The following CTNNA3 variants were observed in gnomAD, a reference collection of about 807,000 sequenced individuals.
CTNNA3 encodes catenin alpha-3.
Under a neutral mutation model 95.7 loss-of-function variants are expected in CTNNA3, and 76 were observed. The observed-to-expected ratio is 0.79, with a 90% CI of 0.66 to 0.96. The LOEUF is 0.96. CTNNA3 is among the 40% of genes least tolerant of loss of function. The probability of loss-of-function intolerance (pLI) is 0.00; values close to 1 mark genes in which losing one functional copy is unlikely to be tolerated. For synonymous variants in CTNNA3, 431 were observed against 374.4 expected (o/e 1.15, Z -1.74); for missense variants, 1,191 against 1,089.8 (o/e 1.09, Z -1.31).
intron 13 of CTNNA3, among the ~76,000 whole-genome samples, chr10:66,229,916 T>G (rs2089505014): frequency 6.6e-6 from 1 of 152,130 alleles, no homozygotes; most frequent in African/African-American, 2.4e-5. Context: ...TTTTTCATTC[T>G]GTTTTTCTTT....
At chr10:66,134,983 G>A (rs1182246154) in intron 13 of CTNNA3, among the ~76,000 whole-genome samples, 1 of 152,096 alleles carries the variant, frequency 6.6e-6, no homozygotes, top group Non-Finnish European at 1.5e-5. Context: ...AAAATATTTT[G>A]TGTGATTGTA....
chr10:67,675,080 GT>G (rs1389289374), intron 1 of CTNNA3, among the ~76,000 whole-genome samples: 1 of 151,994 alleles, frequency 6.6e-6, no homozygotes, highest in Non-Finnish European at 1.5e-5. Context: ...AGAAAACTAA[GT>G]TTCTTTTGAC....
intron 13 of CTNNA3, among the ~76,000 whole-genome samples, chr10:66,244,218 C>T (rs1189969634): frequency 2.0e-5 from 3 of 152,130 alleles, no homozygotes; most frequent in Non-Finnish European, 4.4e-5. Flanking sequence ...GGTTTGAGTG[C>T]CAGCTTAGCC....
chr10:66,435,636 G>T (rs1051042210), intron 11 of CTNNA3, among the ~76,000 whole-genome samples: 1 of 152,098 alleles, frequency 6.6e-6, no homozygotes, highest in African/African-American at 2.4e-5. Flanking sequence ...CCAGCTCCTG[G>T]ATTCATTGAT....
At chr10:66,285,017 T>A (rs1035421056) in intron 12 of CTNNA3, among the ~76,000 whole-genome samples, 2 of 151,914 alleles carry the variant, frequency 1.3e-5, no homozygotes, top group Non-Finnish European at 2.9e-5. Flanking sequence ...CAAGAATATG[T>A]TTGGTACCTC....
intron 5 of CTNNA3, among the ~76,000 whole-genome samples, chr10:67,424,325 A>G (rs1261209608): frequency 6.6e-6 from 1 of 152,170 alleles, no homozygotes; most frequent in East Asian, 1.9e-4. Flanking sequence ...GTAACAAAAC[A>G]GCACTAAAAA....
chr10:66,252,753 G>C (rs955709284), intron 13 of CTNNA3, among the ~76,000 whole-genome samples: 2 of 152,222 alleles, frequency 1.3e-5, no homozygotes. Context: ...GAGGTGGAAG[G>C]ACTTGGTGAA....
chr10:67,113,952 G>A (rs1258817661), intron 7 of CTNNA3, among the ~76,000 whole-genome samples: 1 of 152,004 alleles, frequency 6.6e-6, no homozygotes, highest in African/African-American at 2.4e-5. Flanking sequence ...GCATGGTGGT[G>A]CACACCTGTA....
chr10:67,066,814 C>G (rs537112311), intron 7 of CTNNA3, among the ~76,000 whole-genome samples: 321 of 152,282 alleles, frequency 2.1e-3, no homozygotes, highest in African/African-American at 7.1e-3. Context: ...AGCTTACCAT[C>G]TAGCAGAAGG....
At position 66,833,680 on chromosome 10, in the gene CTNNA3, G is replaced by A. The variant is rs544114302; in HGVS notation, c.1048-58156C>T. 2.8e-4 allele frequency among the ~76,000 whole-genome samples: 42 copies of A among 152,176 alleles called. 1 individual carries two copies. Among genetic ancestry groups the A allele is most frequent in the African/African-American group, 1.0e-3 (42 of 41,512 alleles). ...TATGTTATTTCATCTGGATAGTGTAGGTAGCTGTCAAATACATGACTGAGA... is the reference window on the plus strand; with the variant it reads ...TATGTTATTTCATCTGGATAGTGTAAGTAGCTGTCAAATACATGACTGAGA... On this transcript the variant is annotated intron_variant, in intron 7 of 17. Coordinates refer to ENST00000433211, the MANE Select transcript of CTNNA3 (RefSeq NM_013266.4).
intron 5 of CTNNA3, among the ~76,000 whole-genome samples, chr10:67,493,348 T>G (rs976172585): frequency 1.0e-3 from 152 of 152,144 alleles, no homozygotes; most frequent in African/African-American, 3.4e-3. Context: ...GATCATGAGG[T>G]CAGGGAATCG....
At chr10:66,914,017 C>T (rs1029079029) in intron 7 of CTNNA3, among the ~76,000 whole-genome samples, 2 of 152,080 alleles carry the variant, frequency 1.3e-5, no homozygotes, top group African/African-American at 2.4e-5. Flanking sequence ...TGGCAGTCTT[C>T]TCTGGGTGTG....
intron 10 of CTNNA3, among the ~76,000 whole-genome samples, chr10:66,559,713 G>A (rs573010277): frequency 2.0e-5 from 3 of 151,862 alleles, no homozygotes; most frequent in Non-Finnish European, 4.4e-5. Flanking sequence ...CATTTACTGG[G>A]TTAGCATGTA....
At chr10:66,787,709 T>C (rs1840806006) in intron 7 of CTNNA3, among the ~76,000 whole-genome samples, 1 of 152,194 alleles carries the variant, frequency 6.6e-6, no homozygotes, top group South Asian at 2.1e-4. Flanking sequence ...ATATTCTTGT[T>C]TTCATTTCAA....
intron 7 of CTNNA3, chr10:67,097,597 C>T: frequency 1.2e-6 from 2 of 1,612,122 alleles, no homozygotes; most frequent in East Asian, 4.5e-5. Flanking sequence ...ATACCTTTAT[C>T]AATGAATGTG....
At chr10:67,510,409 T>C (rs1839577238) in intron 5 of CTNNA3, among the ~76,000 whole-genome samples, 3 of 152,160 alleles carry the variant, frequency 2.0e-5, no homozygotes, top group Admixed American at 6.5e-5. Context: ...TACATATGGC[T>C]AGCCAGTTTT....
rs144657284 is a variant in CTNNA3 at position 67,543,254 on chromosome 10, A to G, written c.293-3585T>C. The stretch of plus-strand genomic sequence containing the variant: ...TAGAGTATATAGTCTACAAATATCT[A>G]TAGAGATAACTTTTACACACCTATA... On this transcript the variant is annotated intron_variant, in intron 3 of 17. Coordinates refer to ENST00000433211, the MANE Select transcript of CTNNA3 (RefSeq NM_013266.4). 2.7e-4 allele frequency among the ~76,000 whole-genome samples: 41 copies of G among 152,130 alleles called. No individual in the cohort carries two copies. In the East Asian group the frequency reaches 7.7e-3, roughly 29 times the overall value.
intron 5 of CTNNA3, among the ~76,000 whole-genome samples, chr10:67,511,829 C>A (rs1839641916): frequency 6.6e-6 from 1 of 152,062 alleles, no homozygotes; most frequent in African/African-American, 2.4e-5. Context: ...TGATCCTGGA[C>A]TTTTTTTGGT....
intron 14 of CTNNA3, among the ~76,000 whole-genome samples, chr10:66,084,154 A>AAAAAAAAAAAAAAAAAAAAAAAAAAG (rs1564627073): frequency 1.4e-5 from 2 of 141,312 alleles, no homozygotes; most frequent in South Asian, 2.4e-4. Flanking sequence ...AAAAGAAAAA[A>AAAAAAAAAAAAAAAAAAAAAAAAAAG]AAAGAAAAAG....
Sources: allele counts gnomAD v4.1 joint callset (sites outside exome capture counted in the v4.1 genomes callset), GRCh38; gene constraint gnomAD v4.1.1; transcripts MANE v1.5; gene names NCBI Gene and HGNC (gene_info 2026-07-23, HGNC 2026-07-21).